Variants in GBE1 observed in about 807,000 individuals in gnomAD.
GBE1 encodes the protein 1,4-alpha-glucan-branching enzyme.
A neutral mutation model predicts 88.8 loss-of-function variants in GBE1; 70 were observed. That is an observed-to-expected ratio of 0.79 (90% CI 0.65 to 0.96). The LOEUF (loss-of-function observed/expected upper bound fraction) is 0.96. Among genes scored for constraint, GBE1 ranks in the 40% least tolerant of loss-of-function variants. The pLI is 0.00. For missense variants in GBE1, 872 were observed against 871.0 expected, an observed-to-expected ratio of 1.00 and a Z score of -0.01; for synonymous variants, 284 against 300.1, an observed-to-expected ratio of 0.95 and a Z score of 0.56.
chr3:81,516,159 C>T (rs1405712053), intron 14 of GBE1, among the ~76,000 whole-genome samples: 3 of 151,654 alleles, frequency 2.0e-5, no homozygotes, highest in African/African-American at 4.8e-5. Context: ...TTCATAACTA[C>T]TGGGAAGACA....
intron 8 of GBE1, among the ~76,000 whole-genome samples, chr3:81,592,900 G>C (rs1703898982): frequency 1.3e-5 from 2 of 151,956 alleles, no homozygotes; most frequent in Non-Finnish European, 1.5e-5. Context: ...TCTTTCCCAG[G>C]AACATTTCAA....
intron 12 of GBE1, among the ~76,000 whole-genome samples, chr3:81,541,651 T>A (rs1703144839): frequency 1.3e-5 from 2 of 152,030 alleles, no homozygotes; most frequent in Admixed American, 1.3e-4. Context: ...GACAGCCATC[T>A]GTGAACCAGG....
intron 14 of GBE1, among the ~76,000 whole-genome samples, chr3:81,511,549 A>G (rs1263159786): frequency 2.0e-5 from 3 of 152,070 alleles, no homozygotes; most frequent in Non-Finnish European, 4.4e-5. Context: ...TCTTACAAGA[A>G]GACATACAAG....
rs548484801 is a variant in GBE1, at chr3:81,572,326, A to G, written c.1618+5599T>C. On this transcript the variant is annotated intron_variant, in intron 12 of 15. Transcript: ENST00000429644. ...AAAATGGACTAATAAAAGAATGAAT[A>G]AAATATGTGTATTTAGCTGTCCAGT... Among the ~76,000 whole-genome samples the G allele has an allele frequency of 5.3e-5, 8 of 152,334 alleles. No individual in the cohort carries two copies. In the South Asian group the frequency reaches 1.4e-3, roughly 28 times the overall value.
chr3:81,530,989 T>A (rs561854611), intron 14 of GBE1, among the ~76,000 whole-genome samples: 52 of 151,888 alleles, frequency 3.4e-4, no homozygotes, highest in Middle Eastern at 3.4e-3. Context: ...TTTAGAAACC[T>A]ACTTCATGCC....
At position 81,586,190 on chromosome 3, in the gene GBE1, C is replaced by T. The variant is rs752711257; in HGVS notation, c.1237G>A (p.Asp413Asn). The change falls in exon 10 of 16, where the codon GAT becomes AAT. Residue 413 changes from aspartate to asparagine, a missense_variant and splice_region_variant. Transcript: ENST00000429644. ...LCPDSITIAE[D>N]VSGMPALCSP... Reference sequence around the variant, plus strand: ...CACAGAGCTGGCATTCCTGATACATCCTACAACAAAGAACGTCGGTTCATA... The same window carrying T: ...CACAGAGCTGGCATTCCTGATACATTCTACAACAAAGAACGTCGGTTCATA... 5.0e-6 allele frequency: 8 copies of T among 1,589,894 alleles called. No individual in the cohort carries two copies. The highest frequency in any genetic ancestry group is 6.0e-6 in the Non-Finnish European group (7 of 1,166,816).
intron 1 of GBE1, among the ~76,000 whole-genome samples, chr3:81,727,177 G>A (rs1286657754): frequency 6.6e-6 from 1 of 152,046 alleles, no homozygotes; most frequent in Non-Finnish European, 1.5e-5. Flanking sequence ...CTTAATTCCT[G>A]GGCAAAATTC....
intron 14 of GBE1, among the ~76,000 whole-genome samples, chr3:81,510,665 A>T (rs1187573455): frequency 6.6e-6 from 1 of 151,976 alleles, no homozygotes; most frequent in Non-Finnish European, 1.5e-5. Flanking sequence ...GTGCACCAAA[A>T]TCTCAATCAC....
intron 11 of GBE1, among the ~76,000 whole-genome samples, chr3:81,578,337 T>C (rs891067146): frequency 6.6e-6 from 1 of 152,010 alleles, no homozygotes; most frequent in Non-Finnish European, 1.5e-5. Context: ...TTAAAATAGG[T>C]TGGTGAAAGA....
intron 12 of GBE1, among the ~76,000 whole-genome samples, chr3:81,577,369 T>A (rs1452037431): frequency 6.6e-6 from 1 of 152,190 alleles, no homozygotes; most frequent in African/African-American, 2.4e-5. Context: ...GTTCACCAAC[T>A]AGAAGTCAAT....
intron 3 of GBE1, among the ~76,000 whole-genome samples, chr3:81,659,343 T>A (rs946518938): frequency 1.3e-5 from 2 of 151,616 alleles, no homozygotes; most frequent in African/African-American, 2.4e-5. Flanking sequence ...TTTATTTTTT[T>A]TTTATTTTTT....
chr3:81,692,864 T>A (rs991757599), intron 2 of GBE1, among the ~76,000 whole-genome samples: 9 of 152,234 alleles, frequency 5.9e-5, no homozygotes, highest in African/African-American at 2.2e-4. Context: ...GCAACCCAAT[T>A]TTTCATGATA....
chr3:81,499,665 T>A (rs1702559790), intron 14 of GBE1, among the ~76,000 whole-genome samples: 1 of 152,226 alleles, frequency 6.6e-6, no homozygotes, highest in Admixed American at 6.5e-5. Flanking sequence ...GTCTGCTAGA[T>A]ATATTACTAA....
intron 2 of GBE1, among the ~76,000 whole-genome samples, chr3:81,679,098 G>A (rs1705302573): frequency 6.6e-6 from 1 of 152,020 alleles, no homozygotes; most frequent in African/African-American, 2.4e-5. Flanking sequence ...TGTCAAAGCT[G>A]GGTGAAAAGA....
Position 81,622,789 on chromosome 3 carries a change from G to A in GBE1, c.992+19992C>T, listed in dbSNP as rs576011217. Among the ~76,000 whole-genome samples the A allele has an allele frequency of 2.2e-4, 34 of 152,260 alleles. No individual in the cohort carries two copies. The South Asian group carries it at 7.0e-3, about 32-fold the overall frequency. On this transcript the variant is annotated intron_variant, in intron 7 of 15. Transcript: ENST00000429644. ...TTACCTCTTGGTCAAAAACGTCGGA[G>A]TTAACTTCTTTCTTCCCCTCATATA... is the stretch of plus-strand genomic sequence containing the variant.
intron 2 of GBE1, among the ~76,000 whole-genome samples, chr3:81,676,973 T>C (rs1705269257): frequency 6.6e-6 from 1 of 152,152 alleles, no homozygotes; most frequent in South Asian, 2.1e-4. Context: ...AAACTCTATG[T>C]TTATCTCATA....
intron 14 of GBE1, among the ~76,000 whole-genome samples, chr3:81,513,236 G>A (rs1702748588): frequency 6.6e-6 from 1 of 151,128 alleles, no homozygotes; most frequent in Non-Finnish European, 1.5e-5. Flanking sequence ...AAGAATAGGT[G>A]GAAAGAAAAA....
chr3:81,748,405 A>T (rs1706447719), intron 1 of GBE1, among the ~76,000 whole-genome samples: 1 of 152,020 alleles, frequency 6.6e-6, no homozygotes, highest in Non-Finnish European at 1.5e-5. Flanking sequence ...AGGTCAAGAG[A>T]TTGAAACCAT....
At chr3:81,590,983 C>T in intron 9 of GBE1, 54 bp downstream of exon 9, 2 of 1,488,502 alleles carry the variant, frequency 1.3e-6, no homozygotes, top group South Asian at 2.7e-5. Context: ...TGTATGCTGA[C>T]AAAATACTCT....
Sources: allele counts gnomAD v4.1 joint callset (sites outside exome capture counted in the v4.1 genomes callset), GRCh38; gene constraint gnomAD v4.1.1; transcripts MANE v1.5; gene names NCBI Gene and HGNC (gene_info 2026-07-23, HGNC 2026-07-21).